Variants in MND1 observed in about 807,000 individuals in gnomAD.
MND1 encodes the protein meiotic nuclear divisions 1.
Under a neutral mutation model 35.1 loss-of-function variants are expected in MND1, and 28 were observed. The observed-to-expected ratio is 0.80, with a 90% confidence interval of 0.59 to 1.09. MND1 has a LOEUF of 1.09. Ranked by LOEUF, MND1 falls within the 50% of genes least tolerant of loss-of-function variation. MND1 has a pLI of 0.00. For synonymous variants in MND1, 69 were observed against 70.5 expected, an observed-to-expected ratio of 0.98 and a Z score of 0.11; for missense variants, 213 against 239.6, an observed-to-expected ratio of 0.89 and a Z score of 0.73.
chr4:153,386,196 T>TCA (rs1728858135), intron 4 of MND1, among the ~76,000 whole-genome samples: 1 of 151,868 alleles, frequency 6.6e-6, no homozygotes, highest in African/African-American at 2.4e-5. Context: ...TTTTTGTTTT[T>TCA]TTTTAATGAA....
chr4:153,372,004 A>G (rs766413308), intron 4 of MND1, among the ~76,000 whole-genome samples: 2 of 152,092 alleles, frequency 1.3e-5, no homozygotes, highest in Non-Finnish European at 2.9e-5. Context: ...GGGAAGGCCA[A>G]GGGAGGGTGA....
chr4:153,395,929 T>G (rs548765461), intron 5 of MND1, among the ~76,000 whole-genome samples: 1 of 152,206 alleles, frequency 6.6e-6, no homozygotes, highest in Non-Finnish European at 1.5e-5. Flanking sequence ...ATCTCTGTAT[T>G]GCCCAGGCTG....
chr4:153,362,335 G>A (rs913143365), intron 4 of MND1, among the ~76,000 whole-genome samples: 1 of 152,192 alleles, frequency 6.6e-6, no homozygotes, highest in African/African-American at 2.4e-5. Context: ...GGTTTCTCAT[G>A]AATGGTTTGG....
chr4:153,393,919 G>GTTTTTTTT (rs1360869360), intron 4 of MND1, among the ~76,000 whole-genome samples: 4 of 55,550 alleles, frequency 7.2e-5, no homozygotes, highest in Admixed American at 1.7e-4. Context: ...GTTTGACTTT[G>GTTTTTTTT]TTTTCTTTTT....
At chr4:153,346,606 A>G (rs1428169360) in intron 1 of MND1, among the ~76,000 whole-genome samples, 1 of 152,214 alleles carries the variant, frequency 6.6e-6, no homozygotes, top group Non-Finnish European at 1.5e-5. Context: ...TTAATAATAG[A>G]AATTATTTCT....
chr4:153,398,408 T>G (rs1729257401), intron 6 of MND1, among the ~76,000 whole-genome samples: 1 of 152,228 alleles, frequency 6.6e-6, no homozygotes, highest in South Asian at 2.1e-4. Flanking sequence ...GATAGTTTGA[T>G]TGCAACTAAG....
At chr4:153,361,532 TA>T (rs1561058875) in intron 4 of MND1, 1 of 456,132 alleles carries the variant, frequency 2.2e-6, no homozygotes, top group Non-Finnish European at 4.4e-6. Flanking sequence ...ATGAAATAAT[TA>T]AAGTCTCCTA....
intron 3 of MND1, 131 bp from the exon 4 acceptor site, chr4:153,358,343 A>G: frequency 1.4e-6 from 1 of 700,454 alleles, no homozygotes; most frequent in Non-Finnish European, 2.2e-6. Context: ...GCATGTTGTT[A>G]TTTTTAAGAG....
intron 5 of MND1, among the ~76,000 whole-genome samples, chr4:153,396,883 A>AAAAGTAGT (rs1729211086): frequency 6.6e-6 from 1 of 151,016 alleles, no homozygotes; most frequent in Non-Finnish European, 1.5e-5. Flanking sequence ...AAACTACTCA[A>AAAAGTAGT]AAAGTAGTAT....
chr4:153,348,279 G>C (rs1773120156), intron 1 of MND1, among the ~76,000 whole-genome samples: 1 of 152,198 alleles, frequency 6.6e-6, no homozygotes, highest in African/African-American at 2.4e-5. Context: ...GATAGTATCT[G>C]AGACTCAAGG....
intron 4 of MND1, among the ~76,000 whole-genome samples, chr4:153,382,413 G>A (rs1052836881): frequency 1.3e-5 from 2 of 151,996 alleles, no homozygotes; most frequent in Non-Finnish European, 2.9e-5. Flanking sequence ...TGCTTTCTTC[G>A]CTCTTCTTTA....
intron 6 of MND1, among the ~76,000 whole-genome samples, chr4:153,400,418 T>A (rs1729317846): frequency 6.6e-6 from 1 of 152,204 alleles, no homozygotes; most frequent in South Asian, 2.1e-4. Flanking sequence ...GCAGGCACAG[T>A]GGCTCATGCC....
chr4:153,397,442 T>G (rs1729228886), intron 6 of MND1, 109 bp downstream of exon 6: 10 of 719,074 alleles, frequency 1.4e-5, no homozygotes, highest in South Asian at 2.1e-5. Flanking sequence ...ATAAAACTAG[T>G]TAAGGTAGTA....
At chr4:153,370,890 C>T (rs977055109) in intron 4 of MND1, among the ~76,000 whole-genome samples, 3 of 151,962 alleles carry the variant, frequency 2.0e-5, no homozygotes, top group Admixed American at 6.5e-5. Flanking sequence ...TGCTCAGATC[C>T]GTCAGAGGAG....
chr4:153,378,542 C>A (rs890455064), intron 4 of MND1, among the ~76,000 whole-genome samples: 3 of 152,190 alleles, frequency 2.0e-5, no homozygotes, highest in Non-Finnish European at 4.4e-5. Context: ...CATTGTGAAT[C>A]TCATTCAACC....
intron 4 of MND1, among the ~76,000 whole-genome samples, chr4:153,375,257 A>G (rs1040210361): frequency 2.6e-5 from 4 of 152,164 alleles, no homozygotes; most frequent in African/African-American, 9.6e-5. Context: ...AGGAATATTT[A>G]TTGAGCACTT....
Position 153,374,742 on chromosome 4 carries a change from CAT to C in MND1, c.276+16121_276+16122del, listed in dbSNP as rs1491282936. ...TCTTATAAGCTGAAAAATCAGGAAA[CAT>C]TTTTTTCTCTTGCCTTTAGGTTGTA... On this transcript the variant is annotated intron_variant, in intron 4 of 7. Transcript: ENST00000240488. Among the ~76,000 whole-genome samples, 8 of 151,676 alleles carry C rather than the reference CAT, an allele frequency of 5.3e-5. No individual in the cohort carries two copies. In the South Asian group the frequency reaches 1.5e-3, roughly 28 times the overall value.
intron 4 of MND1, among the ~76,000 whole-genome samples, chr4:153,390,919 A>ATATATGTG (rs1554012261): frequency 8.0e-6 from 1 of 124,646 alleles, no homozygotes; most frequent in Non-Finnish European, 1.8e-5. Context: ...GTGTGTGTAT[A>ATATATGTG]TGTGTGTGTG....
chr4:153,374,121 C>A (rs540935794), intron 4 of MND1, among the ~76,000 whole-genome samples: 1 of 152,070 alleles, frequency 6.6e-6, no homozygotes, highest in Non-Finnish European at 1.5e-5. Context: ...TACTTCAAGG[C>A]GGTTGTAGTG....
Sources: gnomAD v4.1 joint callset for allele counts (sites outside exome capture counted in the v4.1 genomes callset) on GRCh38, gnomAD v4.1.1 for gene constraint, MANE v1.5 for transcripts, NCBI Gene and HGNC (gene_info 2026-07-23, HGNC 2026-07-21) for gene names.